Variants in DNAJC17 observed in about 807,000 individuals in gnomAD.
The protein encoded by DNAJC17 is DnaJ heat shock protein family (Hsp40) member C17.
DNAJC17 carries 35 observed loss-of-function variants against 48.1 expected under a neutral mutation model. The ratio of observed to expected loss-of-function variants is 0.73; its 90% CI spans 0.56 to 0.96. The LOEUF is 0.96. Among genes scored for constraint, DNAJC17 ranks in the 50% least tolerant of loss-of-function variants. DNAJC17 has a pLI of 0.00. For missense variants in DNAJC17, 355 were observed against 377.1 expected (o/e 0.94, Z 0.48); for synonymous variants, 117 against 142.7 (o/e 0.82, Z 1.28).
intron 1 of DNAJC17, among the ~76,000 whole-genome samples, chr15:40,806,431 C>G (rs1330201017): frequency 6.6e-6 from 1 of 151,990 alleles, no homozygotes; most frequent in Non-Finnish European, 1.5e-5. Flanking sequence ...ATTGGTCAGG[C>G]TGGTCTCGAA....
At chr15:40,779,122 G>A in intron 4 of DNAJC17, 101 bp downstream of exon 4, 1 of 1,219,250 alleles carries the variant, frequency 8.2e-7, no homozygotes, top group South Asian at 1.2e-5. Flanking sequence ...TGAGCCAAAA[G>A]GCTTTGAGAT....
intron 1 of DNAJC17, among the ~76,000 whole-genome samples, chr15:40,800,692 A>G (rs1890054601): frequency 6.6e-6 from 1 of 151,742 alleles, no homozygotes; most frequent in Non-Finnish European, 1.5e-5. Flanking sequence ...AGCCATTAAA[A>G]AAAAAAAAGG....
chr15:40,777,869 T>G (rs1426596279), intron 4 of DNAJC17, among the ~76,000 whole-genome samples: 1 of 152,018 alleles, frequency 6.6e-6, no homozygotes, highest in Non-Finnish European at 1.5e-5. Context: ...TTTAGTAAAT[T>G]TACGAAAAAT....
chr15:40,794,276 G>T (rs1485249376), intron 1 of DNAJC17, among the ~76,000 whole-genome samples: 1 of 152,030 alleles, frequency 6.6e-6, no homozygotes, highest in Non-Finnish European at 1.5e-5. Context: ...CTTGAACCCA[G>T]GAGGCAGAGG....
chr15:40,768,154 T>A (rs1889007524), intron 10 of DNAJC17, 92 bp from the exon 11 acceptor site: 13 of 1,414,624 alleles, frequency 9.2e-6, no homozygotes, highest in Middle Eastern at 4.7e-4. Flanking sequence ...TGCTGCGTTC[T>A]AAGAGTCTCG....
intron 4 of DNAJC17, among the ~76,000 whole-genome samples, chr15:40,778,445 G>A (rs1318856714): frequency 2.0e-5 from 3 of 152,074 alleles, no homozygotes; most frequent in Non-Finnish European, 2.9e-5. Context: ...TAGAGAAGGG[G>A]TTTCACCATC....
chr15:40,807,136 G>C (rs1156680422), intron 1 of DNAJC17: 11 of 1,057,538 alleles, frequency 1.0e-5, no homozygotes, highest in African/African-American at 1.6e-5. Context: ...GGGGCCACGG[G>C]GAGAGCACAG....
rs1012502296 is a variant in DNAJC17, at chr15:40,807,230, G to A, written c.78+139C>T. On this transcript the variant is annotated intron_variant, in intron 1 of 10. Coordinates refer to ENST00000220496, the MANE Select transcript of DNAJC17 (RefSeq NM_018163.3). ...AGGAAATGTCTGGGAGCCCGCCTGC[G>A]GAGGGCATAGCGCCGACCCTCGCTC... 7 of 1,552,234 alleles carry A rather than the reference G, an allele frequency of 4.5e-6. No individual in the cohort carries two copies. The African/African-American group carries it at 9.5e-5, about 21-fold the overall frequency.
intron 1 of DNAJC17, among the ~76,000 whole-genome samples, chr15:40,806,683 G>A (rs1473444026): frequency 6.6e-6 from 1 of 152,030 alleles, no homozygotes; most frequent in East Asian, 1.9e-4. Flanking sequence ...TGATCCAGGG[G>A]GAGATAAAAG....
intron 1 of DNAJC17, among the ~76,000 whole-genome samples, chr15:40,806,160 C>A (rs1890212605): frequency 6.6e-6 from 1 of 151,842 alleles, no homozygotes; most frequent in African/African-American, 2.4e-5. Context: ...AAAGCTCACT[C>A]ACCCCATGAG....
Position 40,767,435 on chromosome 15 carries a change from C to A in DNAJC17, c.*505G>T, listed in dbSNP as rs998012862. 65 of 1,408,378 alleles carry A rather than the reference C, an allele frequency of 4.6e-5. No individual in the cohort carries two copies. In the South Asian group the frequency reaches 6.4e-4, roughly 14 times the overall value. 87.2% of individuals were successfully genotyped at this position (1,408,378 alleles called of 1,614,324 possible). On this transcript the variant is annotated 3_prime_UTR_variant, in exon 11 of 11. Transcript: ENST00000220496. ...CTCCAAGCTCCTGCCTCACCGTCTGCCTTGCTCCTCTCTTCCCAAATCATC... is the reference window on the plus strand; with the variant it reads ...CTCCAAGCTCCTGCCTCACCGTCTGACTTGCTCCTCTCTTCCCAAATCATC...
intron 5 of DNAJC17, 85 bp from the exon 6 acceptor site, chr15:40,776,377 C>T: frequency 6.7e-7 from 1 of 1,497,504 alleles, no homozygotes; most frequent in South Asian, 1.1e-5. Context: ...TGGGAGCTTC[C>T]ACCTGCAAGC....
intron 1 of DNAJC17, among the ~76,000 whole-genome samples, chr15:40,805,838 A>G (rs1047886037): frequency 5.3e-5 from 8 of 152,114 alleles, no homozygotes; most frequent in Non-Finnish European, 1.2e-4. Flanking sequence ...CTCAAAAACA[A>G]TAATAAAAAA....
At position 40,767,325 on chromosome 15, in the gene DNAJC17, G is replaced by C. The variant is rs1348382963; in HGVS notation, c.*615C>G. 5.0e-6 allele frequency: 8 copies of C among 1,603,060 alleles called. No individual in the cohort carries two copies. Among genetic ancestry groups the C allele is most frequent in the African/African-American group, 1.3e-5 (1 of 74,172 alleles). On this transcript the variant is annotated 3_prime_UTR_variant, in exon 11 of 11. Transcript: ENST00000220496. The stretch of plus-strand genomic sequence containing the variant: ...GCATGACGGGGGTGGGCCAGACGCT[G>C]GTGTGGTGTCTGCACAAGGAGTGAC...
chr15:40,801,088 G>A (rs552336456), intron 1 of DNAJC17, among the ~76,000 whole-genome samples: 8 of 152,270 alleles, frequency 5.3e-5, no homozygotes, highest in African/African-American at 1.9e-4. Context: ...TGATTCTCAA[G>A]TAAAGTCGTT....
At chr15:40,780,074 A>C (rs1889440304) in intron 1 of DNAJC17, 77 bp from the exon 2 acceptor site, 1 of 1,397,478 alleles carries the variant, frequency 7.2e-7, no homozygotes, top group Admixed American at 1.8e-5. Context: ...TCAATGGGTA[A>C]GGGGAATCCC....
intron 10 of DNAJC17, among the ~76,000 whole-genome samples, chr15:40,768,404 C>G (rs1021380617): frequency 6.6e-6 from 1 of 152,198 alleles, no homozygotes; most frequent in African/African-American, 2.4e-5. Context: ...ACCCTTCACC[C>G]CTTTCCCTCT....
chr15:40,792,800 C>G lies in DNAJC17; in HGVS notation c.79-12803G>C, dbSNP rs141613556. On this transcript the variant is annotated intron_variant, in intron 1 of 10. Transcript: ENST00000220496. ...GGAGCTCTAGTCTCAGGCTGATGCT[C>G]ACTCGCTGGATGGTCGTGGAAAATT... Among the ~76,000 whole-genome samples, 7 of 152,230 alleles carry G rather than the reference C, an allele frequency of 4.6e-5. No homozygotes were observed. The East Asian group carries it at 1.4e-3, about 29-fold the overall frequency.
intron 1 of DNAJC17, among the ~76,000 whole-genome samples, chr15:40,796,615 A>G (rs575899717): frequency 6.6e-6 from 1 of 152,346 alleles, no homozygotes; most frequent in Non-Finnish European, 1.5e-5. Context: ...TGTGGAAAGG[A>G]TGTGGAGAAA....
Sources: gnomAD v4.1 joint callset for allele counts (sites outside exome capture counted in the v4.1 genomes callset) on GRCh38, gnomAD v4.1.1 for gene constraint, MANE v1.5 for transcripts, NCBI Gene and HGNC (gene_info 2026-07-23, HGNC 2026-07-21) for gene names.